Variants in GRIK3 observed in about 807,000 individuals in gnomAD.
GRIK3 encodes glutamate receptor ionotropic, kainate 3.
In GRIK3, 29 loss-of-function variants were observed where a neutral mutation model predicts 102.5. The ratio of observed to expected loss-of-function variants is 0.28; its 90% CI spans 0.21 to 0.39. The LOEUF is 0.39. Among genes scored for constraint, GRIK3 ranks in the 10% least tolerant of loss-of-function variants. The pLI is 1.00. For synonymous variants in GRIK3, 511 were observed against 504.9 expected (o/e 1.01, Z -0.16); for missense variants, 908 against 1,252.4 (o/e 0.73, Z 4.15).
At position 36,850,429 on chromosome 1, in the gene GRIK3, AT is replaced by A; in HGVS notation, c.1213-6del. 6.3e-7 allele frequency: 1 copy of A among 1,584,678 alleles called. No homozygotes were observed. The highest frequency in any genetic ancestry group is 1.1e-5 in the South Asian group (1 of 90,484). On this transcript the variant is annotated splice_region_variant and splice_polypyrimidine_tract_variant and intron_variant, in intron 8 of 15. Transcript: ENST00000373091. This position sits in a 1 kb window ranked among gnomAD's most constrained non-coding sequence, Gnocchi z 4.0. ...GGCAGGACTCCACACCCCAACCTGG[AT>A]GGACACAGACAGAAAACAGGGTGCC...
rs1366007624 is a variant in GRIK3 at position 36,880,769 on chromosome 1, G to C, written c.415C>G (p.His139Asp). Residue 139 changes from histidine (H) to aspartate (D), a missense_variant, in exon 3 of 16, where the codon CAC becomes GAC. Around this residue, in one of 3 missense-constraint regions of GRIK3, gnomAD observed 585 missense variants for 824.9 expected, o/e 0.71. Coordinates refer to ENST00000373091, the MANE Select transcript of GRIK3 (RefSeq NM_000831.4). This position sits in a 1 kb window ranked among gnomAD's most constrained non-coding sequence, Gnocchi z 5.4. Reference protein sequence around the residue: ...EVPHIQLRWKHHPLDNKDTFY... With the variant: ...EVPHIQLRWKDHPLDNKDTFY... Reference sequence around the variant, plus strand: ...GTGTCCTTGTTGTCCAGCGGGTGGTGCTTCCAACGCAGCTGGATGTGGGGC... The same window carrying C: ...GTGTCCTTGTTGTCCAGCGGGTGGTCCTTCCAACGCAGCTGGATGTGGGGC... 2 of 1,614,178 alleles carry C rather than the reference G, an allele frequency of 1.2e-6. No homozygotes were observed. Among genetic ancestry groups the C allele is most frequent in the Non-Finnish European group, 1.7e-6 (2 of 1,179,992 alleles).
rs1342804410 is a variant in GRIK3, at chr1:36,817,238, A to G, written c.1913T>C (p.Ile638Thr). 5 of 1,613,738 alleles carry G rather than the reference A, an allele frequency of 3.1e-6. No homozygotes were observed. The highest frequency in any genetic ancestry group is 1.3e-5 in the African/African-American group (1 of 74,908). The change falls in exon 13 of 16, where the codon ATT (isoleucine) becomes ACT (threonine). Residue 638 changes from isoleucine (I) to threonine (T), a missense_variant. By Grantham distance (89) the Ile-to-Thr change is moderately conservative (BLOSUM62 -1). Coordinates refer to ENST00000373091, the MANE Select transcript of GRIK3 (RefSeq NM_000831.4). The stretch of plus-strand genomic sequence containing the variant: ...CGTGAAGAACCACCAGATGCCACCA[A>G]TGATGCGTGTGGACAGGGCTTTGGG... ...LMPKALSTRI[I>T]GGIWWFFTLI...
At chr1:36,922,591 T>C (rs1490258383) in intron 1 of GRIK3, among the ~76,000 whole-genome samples, 1 of 152,180 alleles carries the variant, frequency 6.6e-6, no homozygotes, top group Non-Finnish European at 1.5e-5. Context: ...CAGGAATCAC[T>C]GGGATTGGTC....
intron 1 of GRIK3, among the ~76,000 whole-genome samples, chr1:36,995,051 C>T (rs948329346): frequency 7.2e-5 from 11 of 152,118 alleles, no homozygotes; most frequent in African/African-American, 2.4e-4. Context: ...GAGCAAGCTG[C>T]GGAAGCCTGG....
intron 1 of GRIK3, among the ~76,000 whole-genome samples, chr1:37,006,162 T>A (rs1642531115): frequency 6.6e-6 from 1 of 152,186 alleles, no homozygotes; most frequent in Non-Finnish European, 1.5e-5. Context: ...CCTTGGGGAC[T>A]GTGGCTCCCT....
intron 1 of GRIK3, among the ~76,000 whole-genome samples, chr1:36,967,587 A>C (rs1642093851): frequency 6.6e-6 from 1 of 152,190 alleles, no homozygotes; most frequent in Admixed American, 6.5e-5. Context: ...GTAAGATGGA[A>C]AACCAGGTAG....
intron 1 of GRIK3, among the ~76,000 whole-genome samples, chr1:36,921,736 A>C (rs569802039): frequency 2.6e-5 from 4 of 152,236 alleles, no homozygotes; most frequent in East Asian, 1.9e-4. Flanking sequence ...GAAGTACATA[A>C]AATTATGTAT....
At chr1:36,803,168 A>C (rs1475350997) in intron 15 of GRIK3, among the ~76,000 whole-genome samples, 1 of 152,142 alleles carries the variant, frequency 6.6e-6, no homozygotes, top group Non-Finnish European at 1.5e-5. Context: ...CAGGTGAGGA[A>C]GGCTACTTGA....
At chr1:36,987,411 G>A (rs1642317273) in intron 1 of GRIK3, among the ~76,000 whole-genome samples, 1 of 152,218 alleles carries the variant, frequency 6.6e-6, no homozygotes, top group Non-Finnish European at 1.5e-5. Flanking sequence ...GGTGAAGAGA[G>A]GGGAGGTGAG....
intron 1 of GRIK3, among the ~76,000 whole-genome samples, chr1:36,980,336 C>T (rs1642236612): frequency 6.6e-6 from 1 of 152,000 alleles, no homozygotes; most frequent in African/African-American, 2.4e-5. Flanking sequence ...TCTGCCCCTG[C>T]CTTGCACACT....
intron 5 of GRIK3, among the ~76,000 whole-genome samples, chr1:36,862,705 T>C (rs1640740835): frequency 6.6e-6 from 1 of 152,206 alleles, no homozygotes; most frequent in African/African-American, 2.4e-5. Flanking sequence ...CCAGACCACC[T>C]GGGCTCGAGT....
intron 1 of GRIK3, among the ~76,000 whole-genome samples, chr1:36,931,346 C>T (rs1641586229): frequency 6.6e-6 from 1 of 152,204 alleles, no homozygotes; most frequent in Admixed American, 6.5e-5. Context: ...GTCCTCATCA[C>T]TCCAGGTCTC....
chr1:36,957,614 C>T (rs970024800), intron 1 of GRIK3, among the ~76,000 whole-genome samples: 17 of 134,898 alleles, frequency 1.3e-4, no homozygotes, highest in African/African-American at 4.6e-4. Flanking sequence ...CCTGTGTGCC[C>T]TGTGACTGTG....
intron 1 of GRIK3, among the ~76,000 whole-genome samples, chr1:36,917,497 T>A (rs1641414863): frequency 6.6e-6 from 1 of 152,190 alleles, no homozygotes; most frequent in Non-Finnish European, 1.5e-5. Context: ...AATTCCCACG[T>A]GTTGTGGGAG....
chr1:36,918,065 A>G (rs1474143921), intron 1 of GRIK3, among the ~76,000 whole-genome samples: 1 of 152,244 alleles, frequency 6.6e-6, no homozygotes, highest in East Asian at 1.9e-4. Flanking sequence ...TTTTAAAAAT[A>G]TAGGTTTAAA....
At chr1:37,015,921 T>A (rs187461310) in intron 1 of GRIK3, among the ~76,000 whole-genome samples, 107 of 152,362 alleles carry the variant, frequency 7.0e-4, no homozygotes, top group African/African-American at 2.4e-3. Context: ...CAAGATCTGG[T>A]GCCTGCACCA....
In GRIK3 at chr1:36,801,913, G is replaced by A. The variant is rs751513007; in HGVS notation, c.2698C>T (p.Arg900Cys). 4.3e-6 allele frequency: 7 copies of A among 1,614,006 alleles called. No individual in the cohort carries two copies. Among genetic ancestry groups the A allele is most frequent in the African/African-American group, 1.3e-5 (1 of 75,062 alleles). Reference sequence around the variant, plus strand: ...ATGCTGTCCTTGCCGGGAAGCCGGCGGTCATTGAATGTGTGCATGTTGATG... The same window carrying A: ...ATGCTGTCCTTGCCGGGAAGCCGGCAGTCATTGAATGTGTGCATGTTGATG... ...AVINMHTFND[R>C]RLPGKDSMAC... The change falls in exon 16 of 16, where the codon CGC becomes TGC. Residue 900 changes from arginine (R) to cysteine (C), a missense_variant. Arg to Cys is a radical substitution (Grantham distance 180, BLOSUM62 -3). Transcript: ENST00000373091.
chr1:36,933,880 C>A lies in GRIK3; in HGVS notation c.116-42784G>T, dbSNP rs1342053950. On this transcript the variant is annotated intron_variant, in intron 1 of 15. Transcript: ENST00000373091. ...GCCCTCTCTTCGACCTTCTGCTTTT[C>A]CCCAGAGGAAGGAGAACTTCCACTT... 2.0e-5 allele frequency among the ~76,000 whole-genome samples: 3 copies of A among 152,132 alleles called. No individual in the cohort carries two copies. The South Asian group carries it at 6.2e-4, about 32-fold the overall frequency.
chr1:36,896,211 G>A (rs961051484), intron 1 of GRIK3, among the ~76,000 whole-genome samples: 14 of 152,040 alleles, frequency 9.2e-5, no homozygotes, highest in African/African-American at 2.9e-4. Flanking sequence ...AAGAATAAGC[G>A]AAGGTAAAAT....
Sources: allele counts gnomAD v4.1 joint callset (sites outside exome capture counted in the v4.1 genomes callset), GRCh38; gene constraint gnomAD v4.1.1; regional missense constraint gnomAD v4.1.1; non-coding constraint Gnocchi (gnomAD v3.1); transcripts MANE v1.5; gene names NCBI Gene and HGNC (gene_info 2026-07-23, HGNC 2026-07-21).